PDGFC: variants seen among roughly 807,000 people sequenced by gnomAD.
The protein encoded by PDGFC is platelet derived growth factor C, also known as platelet-derived growth factor C.
PDGFC carries 12 observed loss-of-function variants against 35.5 expected under a neutral mutation model. The observed-to-expected ratio is 0.34, with a 90% CI of 0.22 to 0.55. The LOEUF (loss-of-function observed/expected upper bound fraction) is 0.55. Among genes scored for constraint, PDGFC ranks in the 20% least tolerant of loss-of-function variants. The pLI, the probability that PDGFC is intolerant of heterozygous loss-of-function variation, is 0.91. For missense variants in PDGFC, 322 were observed against 412.4 expected, an observed-to-expected ratio of 0.78 and a Z score of 1.90; for synonymous variants, 159 against 148.8, an observed-to-expected ratio of 1.07 and a Z score of -0.50.
At chr4:156,853,836 G>A (rs1729509438) in intron 1 of PDGFC, among the ~76,000 whole-genome samples, 1 of 152,068 alleles carries the variant, frequency 6.6e-6, no homozygotes, top group Non-Finnish European at 1.5e-5. Flanking sequence ...GGTGGCATGT[G>A]CCTTCAGTCC....
chr4:156,954,590 A>G (rs1732160825), intron 1 of PDGFC, among the ~76,000 whole-genome samples: 1 of 152,136 alleles, frequency 6.6e-6, no homozygotes, highest in South Asian at 2.1e-4. Context: ...TTTATCCTAA[A>G]GTTCCCTGTT....
chr4:156,965,381 T>C (rs1206660993), intron 1 of PDGFC, among the ~76,000 whole-genome samples: 1 of 152,082 alleles, frequency 6.6e-6, no homozygotes, highest in Non-Finnish European at 1.5e-5. Context: ...ACAACTTAGA[T>C]TTTATGGTGG....
At chr4:156,966,921 A>C (rs563055919) in intron 1 of PDGFC, among the ~76,000 whole-genome samples, 7 of 152,326 alleles carry the variant, frequency 4.6e-5, no homozygotes, top group Admixed American at 3.3e-4. Flanking sequence ...AGAGCTTTTT[A>C]ATCACCTACT....
intron 1 of PDGFC, among the ~76,000 whole-genome samples, chr4:156,866,224 G>A (rs1012755832): frequency 6.6e-6 from 1 of 152,018 alleles, no homozygotes; most frequent in East Asian, 1.9e-4. Flanking sequence ...TTTTGTCCTT[G>A]CGATAGTTTG....
At chr4:156,777,268 G>A (rs1350053493) in intron 3 of PDGFC, among the ~76,000 whole-genome samples, 2 of 152,144 alleles carry the variant, frequency 1.3e-5, no homozygotes, top group Non-Finnish European at 2.9e-5. Context: ...AAACAAGTCC[G>A]TGCTTAGAAA....
chr4:156,766,258 C>T (rs1180311859), intron 5 of PDGFC, among the ~76,000 whole-genome samples: 4 of 152,096 alleles, frequency 2.6e-5, no homozygotes, highest in Non-Finnish European at 5.9e-5. Flanking sequence ...AATGAAGATA[C>T]AACATCTAAG....
intron 1 of PDGFC, among the ~76,000 whole-genome samples, chr4:156,954,307 G>A (rs1732152804): frequency 6.6e-6 from 1 of 151,718 alleles, no homozygotes; most frequent in African/African-American, 2.4e-5. Flanking sequence ...TTATTTCCAA[G>A]GGAAAAAAAA....
chr4:156,919,227 T>C (rs1390455762), intron 1 of PDGFC, among the ~76,000 whole-genome samples: 7 of 152,162 alleles, frequency 4.6e-5, no homozygotes, highest in Admixed American at 3.3e-4. Flanking sequence ...TCACTAATCT[T>C]ACTATAAATT....
At position 156,879,081 on chromosome 4, in the gene PDGFC, T is replaced by C. The variant is rs369372899; in HGVS notation, c.119-28665A>G. Among the ~76,000 whole-genome samples, 12 of 152,320 alleles carry C rather than the reference T, an allele frequency of 7.9e-5. No homozygotes were observed. The East Asian group carries it at 1.5e-3, about 20-fold the overall frequency. On this transcript the variant is annotated intron_variant, in intron 1 of 5. Coordinates refer to ENST00000502773, the MANE Select transcript of PDGFC (RefSeq NM_016205.3). ...GAAAGGTAGGTACTGTCAGTTGTCTTATGAGGTGTTTTGTACATAGCATAT... is the reference window on the plus strand; with the variant it reads ...GAAAGGTAGGTACTGTCAGTTGTCTCATGAGGTGTTTTGTACATAGCATAT...
At chr4:156,784,612 A>T (rs1231833248) in intron 3 of PDGFC, among the ~76,000 whole-genome samples, 2 of 152,196 alleles carry the variant, frequency 1.3e-5, no homozygotes, top group African/African-American at 4.8e-5. Context: ...GATTTATGAG[A>T]AGAAAGATTA....
At chr4:156,785,932 T>C (rs1731111731) in intron 3 of PDGFC, among the ~76,000 whole-genome samples, 1 of 152,156 alleles carries the variant, frequency 6.6e-6, no homozygotes, top group African/African-American at 2.4e-5. Flanking sequence ...TTCTTTACCC[T>C]GCCCCTCTAT....
intron 3 of PDGFC, among the ~76,000 whole-genome samples, chr4:156,792,418 A>G (rs1191098732): frequency 2.0e-5 from 3 of 152,162 alleles, no homozygotes; most frequent in African/African-American, 7.2e-5. Flanking sequence ...TCCACAAAAA[A>G]TCACAGAGCA....
At chr4:156,962,707 G>A (rs1732370772) in intron 1 of PDGFC, among the ~76,000 whole-genome samples, 1 of 152,104 alleles carries the variant, frequency 6.6e-6, no homozygotes, top group Non-Finnish European at 1.5e-5. Context: ...TCAGACCAAG[G>A]TCCAAACATC....
chr4:156,914,195 GC>G (rs1397217147), intron 1 of PDGFC, among the ~76,000 whole-genome samples: 1 of 152,122 alleles, frequency 6.6e-6, no homozygotes, highest in Non-Finnish European at 1.5e-5. Flanking sequence ...GGATAACAAT[GC>G]CAAATTAGCT....
At chr4:156,792,911 G>T (rs1222265134) in intron 3 of PDGFC, among the ~76,000 whole-genome samples, 1 of 152,006 alleles carries the variant, frequency 6.6e-6, no homozygotes, top group African/African-American at 2.4e-5. Context: ...TCCGCATATT[G>T]CCATTGGCAC....
intron 1 of PDGFC, among the ~76,000 whole-genome samples, chr4:156,962,170 T>C (rs1579128614): frequency 6.6e-6 from 1 of 152,140 alleles, no homozygotes; most frequent in Non-Finnish European, 1.5e-5. Flanking sequence ...TTTGAATGCA[T>C]AGGTCTAGGA....
intron 1 of PDGFC, among the ~76,000 whole-genome samples, chr4:156,854,744 T>C (rs1461388219): frequency 6.6e-6 from 1 of 152,122 alleles, no homozygotes; most frequent in Non-Finnish European, 1.5e-5. Context: ...ATGAGAAAAG[T>C]ACCCACTTGA....
intron 1 of PDGFC, among the ~76,000 whole-genome samples, chr4:156,942,533 T>C (rs1266703107): frequency 6.6e-6 from 1 of 151,794 alleles, no homozygotes; most frequent in African/African-American, 2.4e-5. Context: ...TTTGTGTCAA[T>C]AACCATGCCC....
intron 3 of PDGFC, among the ~76,000 whole-genome samples, chr4:156,785,182 G>A (rs921321087): frequency 6.6e-6 from 1 of 152,114 alleles, no homozygotes; most frequent in Non-Finnish European, 1.5e-5. Context: ...GGACACCCAG[G>A]CTAAGATCTT....
Sources: gnomAD v4.1 joint callset for allele counts (sites outside exome capture counted in the v4.1 genomes callset) on GRCh38, gnomAD v4.1.1 for gene constraint, MANE v1.5 for transcripts, NCBI Gene and HGNC (gene_info 2026-07-23, HGNC 2026-07-21) for gene names.